The following PITPNM2 variants were observed in gnomAD, a reference collection of about 807,000 sequenced individuals.
PITPNM2 encodes the protein membrane-associated phosphatidylinositol transfer protein 2.
Under a neutral mutation model 132.2 loss-of-function variants are expected in PITPNM2, and 35 were observed. That is an observed-to-expected ratio of 0.26 (90% confidence interval 0.20 to 0.35). PITPNM2 has a LOEUF of 0.35. PITPNM2 is among the 10% of genes least tolerant of loss of function. PITPNM2 has a pLI of 1.00. For synonymous variants in PITPNM2, 738 were observed against 799.2 expected (o/e 0.92, Z 1.29); for missense variants, 1,332 against 1,912.0 (o/e 0.70, Z 5.66).
intron 3 of PITPNM2, 89 bp from the exon 4 acceptor site, chr12:123,014,131 G>A: frequency 2.8e-6 from 4 of 1,404,748 alleles, no homozygotes; most frequent in East Asian, 2.3e-5. Context: ...CAGGGGTGTG[G>A]AAAGGGAGGA....
chr12:123,081,028 T>C (rs1008748076), intron 2 of PITPNM2: 3 of 152,254 alleles, frequency 2.0e-5, no homozygotes, highest in African/African-American at 4.8e-5. Flanking sequence ...TGAACTTAAA[T>C]AGTCACACTA....
chr12:123,004,330 C>G lies in PITPNM2; in HGVS notation c.1048+64G>C. 1 of 1,525,790 alleles carries G rather than the reference C, an allele frequency of 6.6e-7. No individual in the cohort carries two copies. The highest frequency in any genetic ancestry group is 1.7e-5 in the Admixed American group (1 of 59,080). The allele number at this position is 1,525,790 out of a possible 1,614,324, so 94.5% of individuals were successfully genotyped here. A position where few individuals can be genotyped will look rare whatever the true frequency, so the allele number is the denominator to read the frequency against. ...TCAGTCCACACCCACACCCTAAGCC[C>G]TTTCAGACCCCTCCCCACCTCGCCC... On this transcript the variant is annotated intron_variant, in intron 8 of 25. Coordinates refer to ENST00000320201, the MANE Select transcript of PITPNM2 (RefSeq NM_020845.3). This position sits in a 1 kb window ranked among gnomAD's most constrained non-coding sequence, Gnocchi z 4.9.
Position 122,988,836 on chromosome 12 carries a change from T to C in PITPNM2, c.2768A>G (p.Tyr923Cys), listed in dbSNP as rs2038054732. ...GAGGGCGTCAGGGCAGTACAGGGCG[T>C]AGTCGATCCGCTTCTGGCCCCACCA... ...AKWWGQKRIDYALYCPDALTA... is the reference protein window; with the variant it reads ...AKWWGQKRIDCALYCPDALTA... Residue 923 changes from tyrosine (Y) to cysteine (C), a missense_variant, in exon 19 of 26, where the codon TAC becomes TGC. Physicochemically the swap from Tyr to Cys is radical, Grantham distance 194. Around this residue, in one of 6 missense-constraint regions of PITPNM2, gnomAD observed 251 missense variants for 472.0 expected, o/e 0.53. Coordinates refer to ENST00000320201, the MANE Select transcript of PITPNM2 (RefSeq NM_020845.3). The C allele has an allele frequency of 6.3e-6, 10 of 1,579,670 alleles. No individual in the cohort carries two copies. The highest frequency in any genetic ancestry group is 8.6e-6 in the Non-Finnish European group (10 of 1,162,828).
intron 2 of PITPNM2, among the ~76,000 whole-genome samples, chr12:123,104,172 C>G (rs1037877669): frequency 1.3e-5 from 2 of 152,232 alleles, no homozygotes; most frequent in Non-Finnish European, 2.9e-5. Flanking sequence ...CTCAGGTGAT[C>G]TGCCCGTGTT....
intron 8 of PITPNM2, among the ~76,000 whole-genome samples, chr12:123,001,991 G>T (rs531531158): frequency 1.3e-5 from 2 of 148,840 alleles, no homozygotes; most frequent in Admixed American, 6.7e-5. Flanking sequence ...AGATGGTGCC[G>T]TTGCACTCCA....
chr12:123,056,286 C>T (rs1356336343), intron 2 of PITPNM2, among the ~76,000 whole-genome samples: 2 of 152,230 alleles, frequency 1.3e-5, no homozygotes, highest in Admixed American at 1.3e-4. Flanking sequence ...AGAGCTATCA[C>T]CTGAGCGCTC....
chr12:123,060,054 C>T (rs568109290), intron 2 of PITPNM2, among the ~76,000 whole-genome samples: 15 of 152,198 alleles, frequency 9.9e-5, no homozygotes, highest in Non-Finnish European at 1.8e-4. Flanking sequence ...CCTGGCAGCG[C>T]TCCCTTTTCT....
intron 2 of PITPNM2, among the ~76,000 whole-genome samples, chr12:123,086,550 G>A (rs2042117195): frequency 6.6e-6 from 1 of 152,176 alleles, no homozygotes; most frequent in African/African-American, 2.4e-5. Context: ...GGGGCCAGTC[G>A]GGCCAGACCA....
At chr12:123,121,536 T>C (rs1315476473) in intron 1 of PITPNM2, among the ~76,000 whole-genome samples, 1 of 152,156 alleles carries the variant, frequency 6.6e-6, no homozygotes, top group Non-Finnish European at 1.5e-5. Flanking sequence ...AATAACTTTT[T>C]TATTTTTATT....
chr12:123,034,112 CTG>C (rs2040190082), intron 3 of PITPNM2: 1 of 174,058 alleles, frequency 5.7e-6, no homozygotes, highest in African/African-American at 2.4e-5. Flanking sequence ...AGGCCTTGAT[CTG>C]GGACTTCCGG....
chr12:123,037,542 T>C (rs2040315443), intron 2 of PITPNM2, among the ~76,000 whole-genome samples: 1 of 152,194 alleles, frequency 6.6e-6, no homozygotes, highest in Non-Finnish European at 1.5e-5. Flanking sequence ...TGGGCAAGTC[T>C]CATTTAGTCA....
chr12:122,991,626 G>T, intron 16 of PITPNM2: 2 of 1,027,796 alleles, frequency 1.9e-6, no homozygotes, highest in Non-Finnish European at 1.2e-6. Context: ...TCCTGCCCAA[G>T]TCTCTGTTCC....
intron 8 of PITPNM2, among the ~76,000 whole-genome samples, chr12:123,002,726 A>T (rs1263070595): frequency 7.2e-5 from 11 of 152,194 alleles, no homozygotes; most frequent in African/African-American, 2.7e-4. Flanking sequence ...TTGACAAATA[A>T]TCATAATTGT....
chr12:123,040,651 T>A (rs2040432601), intron 2 of PITPNM2, among the ~76,000 whole-genome samples: 1 of 152,150 alleles, frequency 6.6e-6, no homozygotes, highest in Non-Finnish European at 1.5e-5. Flanking sequence ...ACATTAAATT[T>A]AATTTTTACC....
rs2038439126 is a variant in PITPNM2 at position 122,996,618 on chromosome 12, T to C, written c.1663-41A>G. On this transcript the variant is annotated intron_variant, in intron 12 of 25. Coordinates refer to ENST00000320201, the MANE Select transcript of PITPNM2 (RefSeq NM_020845.3). The stretch of plus-strand genomic sequence containing the variant: ...CCAGAGGCCTGAGCCATTCACCCGC[T>C]CGCTGGACTATAGGCTGGGGAGGCC... 4 of 1,612,512 alleles carry C rather than the reference T, an allele frequency of 2.5e-6. No homozygotes were observed. In the East Asian group the frequency reaches 8.9e-5, roughly 36 times the overall value.
intron 2 of PITPNM2, among the ~76,000 whole-genome samples, chr12:123,039,789 A>G (rs1259252778): frequency 6.6e-6 from 1 of 152,218 alleles, no homozygotes; most frequent in Non-Finnish European, 1.5e-5. Context: ...GGGAAGGGGC[A>G]TATGGGAACT....
intron 1 of PITPNM2, among the ~76,000 whole-genome samples, chr12:123,122,158 T>A (rs1258383422): frequency 6.6e-6 from 1 of 152,118 alleles, no homozygotes; most frequent in Admixed American, 6.5e-5. Flanking sequence ...CCCTGGGGAA[T>A]CTCTTTAGAA....
At chr12:123,057,742 C>T (rs1431061870) in intron 2 of PITPNM2, among the ~76,000 whole-genome samples, 4 of 152,220 alleles carry the variant, frequency 2.6e-5, no homozygotes, top group East Asian at 1.9e-4. Flanking sequence ...GGCTCCCCAC[C>T]GCGACGCCCA....
chr12:123,072,553 C>CTCAT, intron 2 of PITPNM2, among the ~76,000 whole-genome samples: 1 of 152,188 alleles, frequency 6.6e-6, no homozygotes, highest in East Asian at 1.9e-4. Context: ...GTTCAAGTCC[C>CTCAT]TCATTCATTC....
Sources: gnomAD v4.1 joint callset for allele counts (sites outside exome capture counted in the v4.1 genomes callset) on GRCh38, gnomAD v4.1.1 for gene constraint, gnomAD v4.1.1 regional missense constraint, Gnocchi (gnomAD v3.1) non-coding constraint, MANE v1.5 for transcripts, NCBI Gene and HGNC (gene_info 2026-07-23, HGNC 2026-07-21) for gene names.